Variants in CLTCL1 observed in about 807,000 individuals in gnomAD.
CLTCL1 encodes clathrin heavy chain 2.
CLTCL1 carries 159 observed loss-of-function variants against 190.0 expected under a neutral mutation model. That is an observed-to-expected ratio of 0.84 (90% confidence interval 0.74 to 0.95). The LOEUF (loss-of-function observed/expected upper bound fraction) is 0.95. Among genes scored for constraint, CLTCL1 ranks in the 40% least tolerant of loss-of-function variants. The probability of loss-of-function intolerance (pLI) is 0.00; values close to 1 mark genes in which losing one functional copy is unlikely to be tolerated. For synonymous variants in CLTCL1, 752 were observed against 769.6 expected (o/e 0.98, Z 0.38); for missense variants, 1,878 against 2,033.4 (o/e 0.92, Z 1.47).
At chr22:19,254,351 G>T in intron 2 of CLTCL1, 124 bp from the exon 3 acceptor site, 1 of 811,490 alleles carries the variant, frequency 1.2e-6, no homozygotes, top group South Asian at 1.9e-5. Context: ...CTGATTAACA[G>T]GGTCTGAAAG....
intron 2 of CLTCL1, among the ~76,000 whole-genome samples, chr22:19,272,302 A>G (rs2087346564): frequency 6.6e-6 from 1 of 152,212 alleles, no homozygotes; most frequent in Non-Finnish European, 1.5e-5. Context: ...CAAAGAAAGT[A>G]TGAACAGAGA....
At chr22:19,268,919 G>A (rs1443234526) in intron 2 of CLTCL1, among the ~76,000 whole-genome samples, 3 of 151,888 alleles carry the variant, frequency 2.0e-5, no homozygotes, top group South Asian at 2.1e-4. Flanking sequence ...GTGAAACCTC[G>A]TCTCTACTAA....
chr22:19,264,071 G>C (rs1330351280), intron 2 of CLTCL1, among the ~76,000 whole-genome samples: 1 of 152,106 alleles, frequency 6.6e-6, no homozygotes, highest in African/African-American at 2.4e-5. Context: ...GAGACGGGAT[G>C]ATCATGTGAG....
At chr22:19,241,195 A>G (rs1486359506) in intron 4 of CLTCL1, among the ~76,000 whole-genome samples, 1 of 152,208 alleles carries the variant, frequency 6.6e-6, no homozygotes, top group African/African-American at 2.4e-5. Flanking sequence ...AGCTAGGTGT[A>G]GAGAGAACCC....
rs1201831894 is a variant in CLTCL1 at position 19,191,443 on chromosome 22, G to T, written c.4192-8C>A. On this transcript the variant is annotated splice_region_variant and splice_polypyrimidine_tract_variant and intron_variant, in intron 26 of 32. Transcript: ENST00000427926. ...GAGCTCGACGTTGGCAACCTGTGGT[G>T]AGCAAAGCTGAGGGTCAGTCCCTGC... 6.2e-7 allele frequency: 1 copy of T among 1,612,436 alleles called. No individual in the cohort carries two copies. The highest frequency in any genetic ancestry group is 1.1e-5 in the South Asian group (1 of 91,034).
rs1398728650 is a variant in CLTCL1, at chr22:19,260,815, A to G, written c.251-6588T>C. Among the ~76,000 whole-genome samples the G allele has an allele frequency of 2.0e-5, 3 of 150,990 alleles. No homozygotes were observed. The East Asian group carries it at 5.8e-4, about 29-fold the overall frequency. On this transcript the variant is annotated intron_variant, in intron 2 of 32. Transcript: ENST00000427926. ...AAAAAAAAAAAAAAAGAATTATGCT[A>G]AATCTCCTCTGCCTGTGTTCTATGA...
At chr22:19,225,364 G>A in intron 13 of CLTCL1, 89 bp downstream of exon 13, 1 of 1,370,342 alleles carries the variant, frequency 7.3e-7, no homozygotes, top group Non-Finnish European at 9.8e-7. Context: ...TTTGCAGGAA[G>A]GCCGTCTTAA....
chr22:19,234,514 G>T lies in CLTCL1; in HGVS notation c.1162C>A (p.Pro388Thr). 1 of 1,612,146 alleles carries T rather than the reference G, an allele frequency of 6.2e-7. No individual in the cohort carries two copies. Among genetic ancestry groups the T allele is most frequent in the Non-Finnish European group, 8.5e-7 (1 of 1,178,940 alleles). ...AEAAKVAASA[P>T]KGILRTRETV... ...CAGTATTCAAGGTTTATCACCTTTGGTGCAGACGCTGCAACTTTGGCGGCT... is the reference window on the plus strand; with the variant it reads ...CAGTATTCAAGGTTTATCACCTTTGTTGCAGACGCTGCAACTTTGGCGGCT... Residue 388 changes from proline to threonine, a missense_variant, in exon 7 of 33, where the codon CCA becomes ACA. Coordinates refer to ENST00000427926, the MANE Select transcript of CLTCL1 (RefSeq NM_007098.4).
intron 3 of CLTCL1, among the ~76,000 whole-genome samples, chr22:19,253,050 C>A: frequency 6.7e-6 from 1 of 149,250 alleles, no homozygotes; most frequent in African/African-American, 2.5e-5. Context: ...CAAAAAGATA[C>A]TGCTTTCAGT....
chr22:19,286,564 T>C (rs372167876), intron 1 of CLTCL1, among the ~76,000 whole-genome samples: 1 of 152,180 alleles, frequency 6.6e-6, no homozygotes, highest in Non-Finnish European at 1.5e-5. Flanking sequence ...TGGATTACTA[T>C]GGGTACGTGT....
Position 19,269,046 on chromosome 22 carries a change from C to T in CLTCL1, c.250+6577G>A, listed in dbSNP as rs565966649. Among the ~76,000 whole-genome samples, 4 of 146,308 alleles carry T rather than the reference C, an allele frequency of 2.7e-5. No homozygotes were observed. In the East Asian group the frequency reaches 6.1e-4, roughly 22 times the overall value. On this transcript the variant is annotated intron_variant, in intron 2 of 32. Coordinates refer to ENST00000427926, the MANE Select transcript of CLTCL1 (RefSeq NM_007098.4). Reference sequence around the variant, plus strand: ...CAGAGGCTGCAGTGAGCCGCGATAGCGCCACTGCACTCCAGCCTGGGTGAC... The same window carrying T: ...CAGAGGCTGCAGTGAGCCGCGATAGTGCCACTGCACTCCAGCCTGGGTGAC...
chr22:19,239,438 C>CAAGT, intron 4 of CLTCL1, 50 bp from the exon 5 acceptor site: 1 of 1,375,288 alleles, frequency 7.3e-7, no homozygotes, highest in East Asian at 2.3e-5. Context: ...TGGTGGTGGG[C>CAAGT]AAGTGCTAGT....
chr22:19,229,868 C>T lies in CLTCL1; in HGVS notation c.1752G>A (p.Leu584=). 6.2e-7 allele frequency: 1 copy of T among 1,611,430 alleles called. No individual in the cohort carries two copies. Among genetic ancestry groups the T allele is most frequent in the East Asian group, 2.2e-5 (1 of 44,812 alleles). Residue 584 remains leucine (L), a synonymous_variant, in exon 11 of 33, where the codon CTG becomes CTA. Transcript: ENST00000427926. The stretch of plus-strand genomic sequence containing the variant: ...GTGCATGAACAAGGTTCATCTCCAA[C>T]AGCCATGTCTGCAGGAGTCCCTCAG... ...RPAEGLLQTW[L]LEMNLVHAPQ...
chr22:19,235,738 G>T lies in CLTCL1; in HGVS notation c.927C>A (p.His309Gln), dbSNP rs186349739. The stretch of plus-strand genomic sequence containing the variant: ...CACCAATAATTCCAGAGGTTGGTTT[G>T]TGTGGAGCAGTGACAAATATTGTGT... The part of the protein sequence containing the change: ...SADTIFVTAP[H>Q]KPTSGIIGVN... The change falls in exon 6 of 33, where the codon CAC (histidine) becomes CAA (glutamine). Residue 309 changes from histidine to glutamine, a missense_variant. By Grantham distance (24) the His-to-Gln change is conservative. Transcript: ENST00000427926. The T allele has an allele frequency of 1.2e-6, 2 of 1,613,868 alleles. No homozygotes were observed. Among genetic ancestry groups the T allele is most frequent in the East Asian group, 4.5e-5 (2 of 44,894 alleles).
In CLTCL1 at chr22:19,224,070, A is replaced by T; in HGVS notation, c.2129-16T>A. The T allele has an allele frequency of 6.2e-7, 1 of 1,613,536 alleles. No individual in the cohort carries two copies. Among genetic ancestry groups the T allele is most frequent in the South Asian group, 1.1e-5 (1 of 91,010 alleles). On this transcript the variant is annotated splice_polypyrimidine_tract_variant and intron_variant, in intron 13 of 32. Coordinates refer to ENST00000427926, the MANE Select transcript of CLTCL1 (RefSeq NM_007098.4). ...TAGAAGAGGCCTATGAAGAGAGACCATTCCATTTTTGTCCTTGTAACACCT... is the reference window on the plus strand; with the variant it reads ...TAGAAGAGGCCTATGAAGAGAGACCTTTCCATTTTTGTCCTTGTAACACCT...
intron 16 of CLTCL1, 40 bp from the exon 17 acceptor site, chr22:19,221,651 C>T (rs1555952499): frequency 4.0e-6 from 6 of 1,508,938 alleles, no homozygotes; most frequent in Middle Eastern, 1.8e-4. Flanking sequence ...TCAAGGCTAC[C>T]ACTGGAAGTC....
intron 1 of CLTCL1, among the ~76,000 whole-genome samples, chr22:19,279,683 A>G (rs2087638741): frequency 6.6e-6 from 1 of 152,238 alleles, no homozygotes; most frequent in Non-Finnish European, 1.5e-5. Flanking sequence ...AGTAACTTTC[A>G]CGGATAATCA....
At chr22:19,290,905 C>G (rs954121665) in intron 1 of CLTCL1, among the ~76,000 whole-genome samples, 1 of 152,168 alleles carries the variant, frequency 6.6e-6, no homozygotes, top group African/African-American at 2.4e-5. Flanking sequence ...GCTGGCTATC[C>G]CTCCTCTGCC....
intron 19 of CLTCL1, among the ~76,000 whole-genome samples, chr22:19,213,568 G>A (rs2085296460): frequency 6.6e-6 from 1 of 152,096 alleles, no homozygotes; most frequent in Non-Finnish European, 1.5e-5. Context: ...TGGTACATTC[G>A]TACAACAGAA....
Sources: gnomAD v4.1 joint callset for allele counts (sites outside exome capture counted in the v4.1 genomes callset) on GRCh38, gnomAD v4.1.1 for gene constraint, MANE v1.5 for transcripts, NCBI Gene and HGNC (gene_info 2026-07-23, HGNC 2026-07-21) for gene names.